Variants in GADL1 observed in about 807,000 individuals in gnomAD.
The protein encoded by GADL1 is GAD like acidic amino acid decarboxylase 1, also known as acidic amino acid decarboxylase GADL1.
Under a neutral mutation model 69.5 loss-of-function variants are expected in GADL1, and 71 were observed. That is an observed-to-expected ratio of 1.02 (90% CI 0.84 to 1.25). GADL1 has a LOEUF of 1.25. Among genes scored for constraint, GADL1 ranks in the 50% most tolerant of loss-of-function variants. The probability of loss-of-function intolerance (pLI) is 0.00; values close to 1 mark genes in which losing one functional copy is unlikely to be tolerated. For missense variants in GADL1, 737 were observed against 631.8 expected (o/e 1.17, Z -1.79); for synonymous variants, 254 against 214.4 (o/e 1.18, Z -1.62).
At chr3:30,848,940 C>T (rs1051413717) in intron 6 of GADL1, among the ~76,000 whole-genome samples, 2 of 152,134 alleles carry the variant, frequency 1.3e-5, no homozygotes, top group Non-Finnish European at 2.9e-5. Context: ...CAAGTCCCCC[C>T]ATGAGGTTGT....
At chr3:30,803,735 C>T (rs1016123060) in intron 11 of GADL1, among the ~76,000 whole-genome samples, 1 of 152,152 alleles carries the variant, frequency 6.6e-6, no homozygotes, top group Admixed American at 6.5e-5. Flanking sequence ...AATAAACTTT[C>T]CTCCCAAAGA....
intron 4 of GADL1, among the ~76,000 whole-genome samples, chr3:30,852,953 C>A (rs1698172411): frequency 6.6e-6 from 1 of 152,144 alleles, no homozygotes; most frequent in Non-Finnish European, 1.5e-5. Context: ...GTCATCACTC[C>A]ATCAAAACCT....
At chr3:30,755,985 T>C (rs1030298152) in intron 14 of GADL1, among the ~76,000 whole-genome samples, 1 of 152,078 alleles carries the variant, frequency 6.6e-6, no homozygotes, top group Non-Finnish European at 1.5e-5. Context: ...CCTCAGCTGC[T>C]TGATAGTTCA....
intron 9 of GADL1, among the ~76,000 whole-genome samples, chr3:30,834,956 C>T (rs962286248): frequency 2.0e-5 from 3 of 152,006 alleles, no homozygotes; most frequent in African/African-American, 7.2e-5. Context: ...CAGTATGCTT[C>T]TTGAAAATGG....
chr3:30,815,649 G>A (rs894026246), intron 11 of GADL1, among the ~76,000 whole-genome samples: 2 of 152,146 alleles, frequency 1.3e-5, no homozygotes, highest in African/African-American at 4.8e-5. Context: ...AGTTTAACCC[G>A]ACTGGCTGTG....
chr3:30,758,912 A>G (rs183654365), intron 14 of GADL1, among the ~76,000 whole-genome samples: 2 of 152,120 alleles, frequency 1.3e-5, no homozygotes, highest in South Asian at 2.1e-4. Context: ...TCAACATTTG[A>G]TCTCCTTCTA....
At chr3:30,875,235 C>T (rs1176661503) in intron 1 of GADL1, among the ~76,000 whole-genome samples, 2 of 151,426 alleles carry the variant, frequency 1.3e-5, no homozygotes, top group South Asian at 4.2e-4. Flanking sequence ...AAAAGCTCAC[C>T]TCTTGATGAC....
intron 3 of GADL1, among the ~76,000 whole-genome samples, chr3:30,855,532 A>C (rs963680520): frequency 3.3e-5 from 5 of 152,060 alleles, no homozygotes; most frequent in Admixed American, 1.3e-4. Flanking sequence ...TATGCGGCTT[A>C]CATACACTTC....
chr3:30,776,744 G>A (rs534254791), intron 14 of GADL1, among the ~76,000 whole-genome samples: 1 of 152,276 alleles, frequency 6.6e-6, no homozygotes, highest in South Asian at 2.1e-4. Context: ...TAGTTAGACT[G>A]GGGCAAAAAT....
chr3:30,764,269 G>A lies in GADL1; in HGVS notation c.1392+13910C>T, dbSNP rs187445080. Among the ~76,000 whole-genome samples, 283 of 152,200 alleles carry A rather than the reference G, an allele frequency of 1.9e-3. 2 individuals carry two copies. The highest frequency in any genetic ancestry group is 6.5e-3 in the African/African-American group (271 of 41,534). On this transcript the variant is annotated intron_variant, in intron 14 of 14. Transcript: ENST00000282538. ...TCATTTTCCCTACTCAAATTTGTAA[G>A]AAGATACACAGTAGAAACTAATTTC...
At chr3:30,825,455 A>T (rs936177287) in intron 11 of GADL1, among the ~76,000 whole-genome samples, 8 of 152,116 alleles carry the variant, frequency 5.3e-5, no homozygotes, top group African/African-American at 9.6e-5. Flanking sequence ...TCAGCAAAAA[A>T]TTGACTCCCT....
intron 13 of GADL1, among the ~76,000 whole-genome samples, chr3:30,781,349 C>T (rs985540344): frequency 2.0e-5 from 3 of 152,142 alleles, no homozygotes; most frequent in African/African-American, 4.8e-5. Context: ...TAGCAGCTCA[C>T]GTTCTCTAAA....
chr3:30,836,029 A>G (rs1007259420), intron 9 of GADL1, among the ~76,000 whole-genome samples: 1 of 152,058 alleles, frequency 6.6e-6, no homozygotes, highest in African/African-American at 2.4e-5. Flanking sequence ...TGTGTTACAT[A>G]TCACATTTTT....
At chr3:30,751,449 C>T (rs9310942) in intron 14 of GADL1, among the ~76,000 whole-genome samples, 33,129 of 147,970 alleles carry the variant, frequency 0.22, 4,328 homozygotes, top group Non-Finnish European at 0.29. Context: ...TTCTTTTATT[C>T]CTTCGTGTCT....
intron 11 of GADL1, among the ~76,000 whole-genome samples, chr3:30,811,681 T>C (rs1697358754): frequency 6.6e-6 from 1 of 152,184 alleles, no homozygotes; most frequent in Non-Finnish European, 1.5e-5. Context: ...TTTCAGTCTA[T>C]TCTGTTCTGT....
chr3:30,771,530 G>A (rs531732036), intron 14 of GADL1, among the ~76,000 whole-genome samples: 11 of 152,248 alleles, frequency 7.2e-5, no homozygotes, highest in South Asian at 2.1e-4. Context: ...TTCTTTAAAA[G>A]GCACTTTGAT....
At chr3:30,733,083 G>A (rs1440644155) in intron 14 of GADL1, among the ~76,000 whole-genome samples, 1 of 152,010 alleles carries the variant, frequency 6.6e-6, no homozygotes, top group African/African-American at 2.4e-5. Context: ...AACTATCTGT[G>A]GGGAAGGATC....
intron 8 of GADL1, among the ~76,000 whole-genome samples, chr3:30,841,630 T>C (rs1394061466): frequency 1.3e-5 from 2 of 152,196 alleles, no homozygotes; most frequent in South Asian, 2.1e-4. Flanking sequence ...TTTTTCTTTA[T>C]AGTAGAATGC....
chr3:30,830,664 C>T (rs1361809735), intron 11 of GADL1, among the ~76,000 whole-genome samples: 1 of 151,954 alleles, frequency 6.6e-6, no homozygotes, highest in Admixed American at 6.6e-5. Flanking sequence ...CATCTATAAC[C>T]CATTCCTATG....
Sources: gnomAD v4.1 joint callset for allele counts (sites outside exome capture counted in the v4.1 genomes callset) on GRCh38, gnomAD v4.1.1 for gene constraint, MANE v1.5 for transcripts, NCBI Gene and HGNC (gene_info 2026-07-23, HGNC 2026-07-21) for gene names.